The following DOCK2 variants were observed in gnomAD, a reference collection of about 807,000 sequenced individuals.
DOCK2 encodes the protein dedicator of cytokinesis 2, also known as dedicator of cytokinesis protein 2.
In DOCK2, 87 loss-of-function variants were observed where a neutral mutation model predicts 248.9. The observed-to-expected ratio is 0.35, with a 90% CI of 0.29 to 0.42. DOCK2 has a LOEUF of 0.42. Ranked by LOEUF, DOCK2 falls within the 10% of genes least tolerant of loss-of-function variation. The probability of loss-of-function intolerance (pLI) is 1.00; values close to 1 mark genes in which losing one functional copy is unlikely to be tolerated. For missense variants in DOCK2, 1,747 were observed against 2,300.2 expected (o/e 0.76, Z 4.92); for synonymous variants, 805 against 821.6 (o/e 0.98, Z 0.35).
chr5:170,059,125 G>A (rs1442889427), intron 44 of DOCK2, among the ~76,000 whole-genome samples: 1 of 151,976 alleles, frequency 6.6e-6, no homozygotes, highest in Non-Finnish European at 1.5e-5. Flanking sequence ...CCCCTGTCAG[G>A]CACCTGGCTT....
chr5:169,762,411 A>T (rs983733042), intron 25 of DOCK2, among the ~76,000 whole-genome samples: 3 of 152,180 alleles, frequency 2.0e-5, no homozygotes, highest in African/African-American at 7.2e-5. Context: ...CACAGAAGTT[A>T]TGTTCAGAGC....
chr5:169,954,312 A>T (rs1189704483), intron 27 of DOCK2, among the ~76,000 whole-genome samples: 4 of 152,274 alleles, frequency 2.6e-5, no homozygotes, highest in African/African-American at 7.2e-5. Flanking sequence ...GTGTAATAAA[A>T]TTTTTATGAA....
intron 7 of DOCK2, among the ~76,000 whole-genome samples, chr5:169,683,317 C>A (rs530205911): frequency 3.3e-5 from 5 of 152,242 alleles, no homozygotes; most frequent in African/African-American, 9.6e-5. Context: ...GTAGCTTCGA[C>A]CCCCTGGGCT....
chr5:169,983,178 G>A lies in DOCK2; in HGVS notation c.2898+12G>A, dbSNP rs757719846. The A allele has an allele frequency of 1.2e-6, 2 of 1,613,564 alleles. No homozygotes were observed. The highest frequency in any genetic ancestry group is 2.2e-5 in the East Asian group (1 of 44,886). On this transcript the variant is annotated intron_variant, in intron 28 of 51. Coordinates refer to ENST00000520908, the MANE Select transcript of DOCK2 (RefSeq NM_004946.3). ...GCTCTGAACTTGTGGTGAGTCTGCAGGATGCTGGGGGTGAGGAAGAACTCT... is the reference window on the plus strand; with the variant it reads ...GCTCTGAACTTGTGGTGAGTCTGCAAGATGCTGGGGGTGAGGAAGAACTCT...
intron 23 of DOCK2, among the ~76,000 whole-genome samples, chr5:169,758,323 C>G (rs899121822): frequency 1.3e-4 from 20 of 152,174 alleles, no homozygotes; most frequent in African/African-American, 4.8e-4. Context: ...GGAAATTCAT[C>G]ACAATGTTAA....
intron 27 of DOCK2, among the ~76,000 whole-genome samples, chr5:169,861,387 C>T (rs929829661): frequency 6.6e-6 from 1 of 152,186 alleles, no homozygotes; most frequent in African/African-American, 2.4e-5. Flanking sequence ...TACATCAGTA[C>T]ATCGTCTTTA....
intron 27 of DOCK2, among the ~76,000 whole-genome samples, chr5:169,981,666 G>A (rs1346758453): frequency 6.6e-6 from 1 of 151,978 alleles, no homozygotes; most frequent in Non-Finnish European, 1.5e-5. Flanking sequence ...CTAGTCTTCA[G>A]CAACCACCAC....
intron 27 of DOCK2, among the ~76,000 whole-genome samples, chr5:169,876,770 G>T (rs571878592): frequency 9.8e-5 from 15 of 152,328 alleles, no homozygotes; most frequent in African/African-American, 3.4e-4. Flanking sequence ...TCACCCAGGA[G>T]TGGTGGTGTA....
Position 169,714,395 on chromosome 5 carries a change from C to G in DOCK2, c.1879C>G (p.Pro627Ala). 6.2e-7 allele frequency: 1 copy of G among 1,613,962 alleles called. No homozygotes were observed. The highest frequency in any genetic ancestry group is 8.5e-7 in the Non-Finnish European group (1 of 1,179,956). ...LLGLLKWRMK[P>A]QLLQENLEKL... ...GGGTTTGCTGAAGTGGCGTATGAAGCCTCAACTGCTACAGGAGAATTTAGA... is the reference window on the plus strand; with the variant it reads ...GGGTTTGCTGAAGTGGCGTATGAAGGCTCAACTGCTACAGGAGAATTTAGA... The change falls in exon 19 of 52, where the codon CCT becomes GCT. Residue 627 changes from proline to alanine, a missense_variant. By Grantham distance (27) the Pro-to-Ala change is conservative. Around this residue, in one of 4 missense-constraint regions of DOCK2, gnomAD observed 858 missense variants for 1,183.5 expected, o/e 0.72. Coordinates refer to ENST00000520908, the MANE Select transcript of DOCK2 (RefSeq NM_004946.3).
At chr5:169,750,498 A>G (rs1215163987) in intron 23 of DOCK2, among the ~76,000 whole-genome samples, 1 of 152,172 alleles carries the variant, frequency 6.6e-6, no homozygotes, top group African/African-American at 2.4e-5. Flanking sequence ...CATTGTCTGC[A>G]AAAGAACAAA....
intron 22 of DOCK2, among the ~76,000 whole-genome samples, chr5:169,724,397 G>T (rs904482819): frequency 1.3e-5 from 2 of 152,204 alleles, no homozygotes; most frequent in African/African-American, 4.8e-5. Context: ...AATGAATAAA[G>T]AAAAGTTGAC....
chr5:170,068,985 C>T (rs1757587778), intron 45 of DOCK2, 152 bp from the exon 46 acceptor site: 1 of 615,186 alleles, frequency 1.6e-6, no homozygotes, highest in East Asian at 2.9e-5. Context: ...AAAACAATGT[C>T]AGTCTCTCCA....
intron 19 of DOCK2, among the ~76,000 whole-genome samples, chr5:169,715,246 G>A (rs1033545559): frequency 6.6e-6 from 1 of 152,144 alleles, no homozygotes; most frequent in African/African-American, 2.4e-5. Context: ...TATGAATTGG[G>A]ACAAGTGTTT....
chr5:169,831,241 A>G (rs1481627773), intron 26 of DOCK2, among the ~76,000 whole-genome samples: 1 of 152,100 alleles, frequency 6.6e-6, no homozygotes, highest in Non-Finnish European at 1.5e-5. Flanking sequence ...TATATTACAT[A>G]TGGTACTCTG....
chr5:169,916,261 C>T (rs554071194), intron 27 of DOCK2, among the ~76,000 whole-genome samples: 1 of 152,322 alleles, frequency 6.6e-6, no homozygotes, highest in East Asian at 1.9e-4. Context: ...CAAAATAATT[C>T]TAGGTGTGTT....
chr5:170,015,682 G>C (rs111332811), intron 32 of DOCK2, among the ~76,000 whole-genome samples: 4,250 of 152,080 alleles, frequency 0.028, 183 homozygotes, highest in African/African-American at 0.096. Context: ...CTTGTTCATT[G>C]CAGCGTCTGT....
chr5:169,938,684 C>A (rs552325664), intron 27 of DOCK2, among the ~76,000 whole-genome samples: 22 of 152,232 alleles, frequency 1.4e-4, no homozygotes, highest in African/African-American at 5.3e-4. Context: ...TGTAGACTAT[C>A]AACACTGTAC....
At chr5:170,054,792 G>A (rs1286471482) in intron 41 of DOCK2, among the ~76,000 whole-genome samples, 1 of 152,194 alleles carries the variant, frequency 6.6e-6, no homozygotes, top group Non-Finnish European at 1.5e-5. Flanking sequence ...CCTTTGAGTA[G>A]TGAGTCCAGA....
chr5:169,877,539 G>T (rs772686010), intron 27 of DOCK2, among the ~76,000 whole-genome samples: 1 of 152,188 alleles, frequency 6.6e-6, no homozygotes, highest in African/African-American at 2.4e-5. Flanking sequence ...GTTGAACAAA[G>T]TAAATATGGG....
Sources: allele counts gnomAD v4.1 joint callset (sites outside exome capture counted in the v4.1 genomes callset), GRCh38; gene constraint gnomAD v4.1.1; regional missense constraint gnomAD v4.1.1; transcripts MANE v1.5; gene names NCBI Gene and HGNC (gene_info 2026-07-23, HGNC 2026-07-21).